GLRA2: variants seen among roughly 807,000 people sequenced by gnomAD.
GLRA2 encodes glycine receptor alpha 2, also known as glycine receptor subunit alpha-2.
A neutral mutation model predicts 31.6 loss-of-function variants in GLRA2; 11 were observed. The observed-to-expected ratio is 0.35, with a 90% CI of 0.22 to 0.58. The LOEUF (loss-of-function observed/expected upper bound fraction) is 0.58. Among genes scored for constraint, GLRA2 ranks in the 20% least tolerant of loss-of-function variants. The pLI is 0.84. For missense variants in GLRA2, 212 were observed against 351.8 expected, an observed-to-expected ratio of 0.60 and a Z score of 3.18; for synonymous variants, 132 against 134.0, an observed-to-expected ratio of 0.99 and a Z score of 0.10.
chrX:14,638,366 C>T, intron 7 of GLRA2, among the ~76,000 whole-genome samples: 1 of 111,504 alleles, frequency 9.0e-6, no homozygotes, highest in Middle Eastern at 4.6e-3. Flanking sequence ...CAACTAACAG[C>T]TTTCATGATC....
intron 2 of GLRA2, among the ~76,000 whole-genome samples, chrX:14,554,328 C>T (rs2089611395): frequency 8.9e-6 from 1 of 111,873 alleles, no homozygotes; most frequent in South Asian, 3.8e-4. Context: ...CCTTCCCACC[C>T]TCAGAGAAAT....
Position 14,532,130 on chromosome X carries a change from C to T in GLRA2, c.69-109C>T, listed in dbSNP as rs1355174741. 3 of 516,507 alleles carry T rather than the reference C, an allele frequency of 5.8e-6. No homozygotes were observed. The East Asian group carries it at 1.3e-4, about 22-fold the overall frequency. The allele number at this position is 516,507 out of a possible 1,213,427, so 42.6% of individuals were successfully genotyped here. On this transcript the variant is annotated intron_variant, in intron 1 of 8. Transcript: ENST00000218075. Reference sequence around the variant, plus strand: ...TTGGATTTTTCTAGTTTTCTTCATACTAACATATCAAATATCTTTACCAAA... The same window carrying T: ...TTGGATTTTTCTAGTTTTCTTCATATTAACATATCAAATATCTTTACCAAA...
intron 2 of GLRA2, among the ~76,000 whole-genome samples, chrX:14,561,755 T>C (rs1217035640): frequency 3.6e-5 from 4 of 112,348 alleles, no homozygotes; most frequent in Middle Eastern, 8.5e-3. Context: ...AAGCTGACTT[T>C]ACTGATTTTC....
At chrX:14,495,647 C>T in the GLRA2 span, among the ~76,000 whole-genome samples, 2 of 108,262 alleles carry the variant, frequency 1.8e-5, no homozygotes, top group South Asian at 4.0e-4. Flanking sequence ...ATACATATTG[C>T]ATATATATCC....
At chrX:14,467,848 G>GA in the GLRA2 span, among the ~76,000 whole-genome samples, 900 of 102,395 alleles carry the variant, frequency 8.8e-3, 6 homozygotes, top group Middle Eastern at 0.02. Flanking sequence ...TGTAAGGACC[G>GA]AAAAAAAAAA....
At chrX:14,575,264 G>A (rs1169037895) in intron 3 of GLRA2, among the ~76,000 whole-genome samples, 3 of 106,660 alleles carry the variant, frequency 2.8e-5, no homozygotes, top group Non-Finnish European at 5.8e-5. Context: ...GCAGTGGCAC[G>A]ATCTCGGCTT....
intron 4 of GLRA2, among the ~76,000 whole-genome samples, chrX:14,603,488 T>C (rs2090300464): frequency 9.0e-6 from 1 of 111,322 alleles, no homozygotes; most frequent in African/African-American, 3.3e-5. Context: ...GCAAGCCACA[T>C]GTAGGAGAAT....
intron 7 of GLRA2, among the ~76,000 whole-genome samples, chrX:14,666,552 T>C (rs189916650): frequency 8.9e-6 from 1 of 111,804 alleles, no homozygotes; most frequent in East Asian, 2.8e-4. Flanking sequence ...AGATCCTAAA[T>C]TGGATGAAAC....
At chrX:14,701,489 C>T (rs938490544) in intron 8 of GLRA2, among the ~76,000 whole-genome samples, 7 of 111,223 alleles carry the variant, frequency 6.3e-5, no homozygotes, top group Admixed American at 3.8e-4. Context: ...GTTGCATGCC[C>T]GTGAAGCCAA....
upstream of GLRA2, among the ~76,000 whole-genome samples, chrX:14,527,132 A>G (rs1209492409): frequency 1.8e-5 from 2 of 111,698 alleles, no homozygotes; most frequent in Admixed American, 1.9e-4. Context: ...GTTTCTGTGG[A>G]TTGATAGGGC....
intron 2 of GLRA2, among the ~76,000 whole-genome samples, chrX:14,560,009 A>G (rs957120284): frequency 1.8e-5 from 2 of 111,726 alleles, no homozygotes; most frequent in African/African-American, 3.3e-5. Flanking sequence ...GCAGGAAGCC[A>G]TAATAAGAAA....
At position 14,548,669 on chromosome X, in the gene GLRA2, A is replaced by G. The variant is rs1027093690; in HGVS notation, c.202+16297A>G. Among the ~76,000 whole-genome samples the G allele has an allele frequency of 3.6e-5, 4 of 111,877 alleles. No homozygotes were observed. In the South Asian group the frequency reaches 1.1e-3, roughly 32 times the overall value. ...ATACCGAACATGGATGGATAGTGAC[A>G]TCTAACTTATCCAAATAGAATCCCT... On this transcript the variant is annotated intron_variant, in intron 2 of 8. Transcript: ENST00000218075.
intron 2 of GLRA2, among the ~76,000 whole-genome samples, chrX:14,534,060 T>C (rs1407549169): frequency 9.0e-6 from 1 of 111,076 alleles, no homozygotes; most frequent in African/African-American, 3.3e-5. Flanking sequence ...TTGACATTGC[T>C]ACTTTAAGTG....
chrX:14,536,958 T>C (rs2089332841), intron 2 of GLRA2, among the ~76,000 whole-genome samples: 1 of 111,641 alleles, frequency 9.0e-6, no homozygotes, highest in South Asian at 3.7e-4. Flanking sequence ...ATGAAAGCAG[T>C]CATTTTAAAA....
chrX:14,613,172 A>G lies in GLRA2; in HGVS notation c.930+3967A>G, dbSNP rs186247281. ...AAATTGTTTAGCCCAGTTTTTCTAC[A>G]TCGTCGGTATTCATCTCATCCTGGT... On this transcript the variant is annotated intron_variant, in intron 7 of 8. Coordinates refer to ENST00000218075, the MANE Select transcript of GLRA2 (RefSeq NM_002063.4). Among the ~76,000 whole-genome samples the G allele has an allele frequency of 2.4e-4, 27 of 111,554 alleles. No individual in the cohort carries two copies. In the East Asian group the frequency reaches 7.1e-3, roughly 29 times the overall value.
chrX:14,715,112 A>G (rs1406990471), intron 8 of GLRA2, among the ~76,000 whole-genome samples: 1 of 112,413 alleles, frequency 8.9e-6, no homozygotes, highest in Non-Finnish European at 1.9e-5. Flanking sequence ...TGTCTATTCC[A>G]TTTGTTTTCC....
At chrX:14,700,963 C>T (rs2091532243) in intron 8 of GLRA2, among the ~76,000 whole-genome samples, 1 of 109,900 alleles carries the variant, frequency 9.1e-6, no homozygotes, top group Non-Finnish European at 1.9e-5. Context: ...GGTATTCCTT[C>T]TGATAACTGG....
chrX:14,507,686 A>ATTTTTTTTTT, the GLRA2 span, among the ~76,000 whole-genome samples: 3 of 56,049 alleles, frequency 5.4e-5, no homozygotes, highest in Non-Finnish European at 7.9e-5. Context: ...TACGAAAGAC[A>ATTTTTTTTTT]TTCTTTTTTT....
chrX:14,459,683 T>C, the GLRA2 span, among the ~76,000 whole-genome samples: 2 of 111,927 alleles, frequency 1.8e-5, no homozygotes, highest in South Asian at 3.7e-4. Context: ...TTGTCTGTTA[T>C]TGGTGTATAG....
Sources: allele counts gnomAD v4.1 joint callset (sites outside exome capture counted in the v4.1 genomes callset), GRCh38; gene constraint gnomAD v4.1.1; transcripts MANE v1.5; gene names NCBI Gene and HGNC (gene_info 2026-07-23, HGNC 2026-07-21).